The following RBFOX1 variants were observed in gnomAD, a reference collection of about 807,000 sequenced individuals.
The protein encoded by RBFOX1 is RNA binding fox-1 homolog 1.
In RBFOX1, 8 loss-of-function variants were observed where a neutral mutation model predicts 57.7. The ratio of observed to expected loss-of-function variants is 0.14; its 90% CI spans 0.08 to 0.25. The LOEUF is 0.25. Ranked by LOEUF, RBFOX1 falls within the 10% of genes least tolerant of loss-of-function variation. The pLI, the probability that RBFOX1 is intolerant of heterozygous loss-of-function variation, is 1.00. For missense variants in RBFOX1, 611 were observed against 548.5 expected (o/e 1.11, Z -1.14); for synonymous variants, 326 against 222.4 (o/e 1.47, Z -4.15).
intron 3 of RBFOX1, among the ~76,000 whole-genome samples, chr16:6,921,416 T>G: frequency 6.6e-6 from 1 of 152,228 alleles, no homozygotes; most frequent in Non-Finnish European, 1.5e-5. Context: ...TGGCACAATT[T>G]ATTTCCTGTG....
At chr16:6,752,857 C>G (rs2075178153) in intron 3 of RBFOX1, among the ~76,000 whole-genome samples, 1 of 150,808 alleles carries the variant, frequency 6.6e-6, no homozygotes, top group South Asian at 2.1e-4. Flanking sequence ...CTCTGTCAGC[C>G]TCTCTGCTCA....
At chr16:7,071,848 C>A (rs1480709879) in intron 4 of RBFOX1, among the ~76,000 whole-genome samples, 1 of 151,998 alleles carries the variant, frequency 6.6e-6, no homozygotes, top group Non-Finnish European at 1.5e-5. Flanking sequence ...GCTCTTCCTC[C>A]CTTATCATGT....
At chr16:7,223,569 G>T (rs749354585) in intron 4 of RBFOX1, among the ~76,000 whole-genome samples, 3 of 152,162 alleles carry the variant, frequency 2.0e-5, no homozygotes, top group Admixed American at 6.5e-5. Flanking sequence ...GCCAGTAATT[G>T]TGCAGGAGAT....
intron 3 of RBFOX1, among the ~76,000 whole-genome samples, chr16:5,750,341 C>A (rs929334377): frequency 6.6e-6 from 1 of 152,214 alleles, no homozygotes; most frequent in Non-Finnish European, 1.5e-5. Flanking sequence ...GGCAGACTGT[C>A]CATTCTCAGA....
At chr16:7,337,298 A>C (rs1286426119) in intron 4 of RBFOX1, among the ~76,000 whole-genome samples, 1 of 152,182 alleles carries the variant, frequency 6.6e-6, no homozygotes, top group Non-Finnish European at 1.5e-5. Context: ...GAAGTAACCC[A>C]GTGCCTCTTA....
At chr16:6,558,301 G>T (rs1209424795) in intron 2 of RBFOX1, among the ~76,000 whole-genome samples, 1 of 152,104 alleles carries the variant, frequency 6.6e-6, no homozygotes, top group African/African-American at 2.4e-5. Context: ...GAATAAGAAA[G>T]AGGCCTTACA....
At chr16:6,459,612 A>C (rs1659847378) in intron 2 of RBFOX1, among the ~76,000 whole-genome samples, 1 of 152,162 alleles carries the variant, frequency 6.6e-6, no homozygotes, top group African/African-American at 2.4e-5. Context: ...TTAATAAGGC[A>C]TCCATATATC....
chr16:7,644,920 A>C (rs1477928773), intron 11 of RBFOX1, among the ~76,000 whole-genome samples: 1 of 152,072 alleles, frequency 6.6e-6, no homozygotes, highest in African/African-American at 2.4e-5. Flanking sequence ...TCACTGTTAG[A>C]GCCTGGACAA....
chr16:7,291,520 C>T (rs1227585269), intron 4 of RBFOX1, among the ~76,000 whole-genome samples: 2 of 152,168 alleles, frequency 1.3e-5, no homozygotes, highest in Admixed American at 6.5e-5. Context: ...CTATTCAGAG[C>T]AGCAAAGGAA....
chr16:5,588,789 C>G (rs937910571), intron 2 of RBFOX1, among the ~76,000 whole-genome samples: 3 of 152,124 alleles, frequency 2.0e-5, no homozygotes, highest in Admixed American at 2.0e-4. Flanking sequence ...TTTTTGGAAG[C>G]CACTGCAACA....
chr16:6,377,047 G>C (rs1415143394), intron 2 of RBFOX1, among the ~76,000 whole-genome samples: 3 of 151,778 alleles, frequency 2.0e-5, no homozygotes, highest in East Asian at 3.9e-4. Context: ...TGAGGCAGGT[G>C]GATCACTTTG....
chr16:6,652,241 G>A (rs944856379), intron 2 of RBFOX1, among the ~76,000 whole-genome samples: 1 of 152,158 alleles, frequency 6.6e-6, no homozygotes, highest in Admixed American at 6.5e-5. Context: ...ACTAGGTCAA[G>A]AGATCGAGAG....
At chr16:7,281,533 A>G (rs1362927789) in intron 4 of RBFOX1, among the ~76,000 whole-genome samples, 4 of 152,098 alleles carry the variant, frequency 2.6e-5, no homozygotes, top group African/African-American at 9.7e-5. Flanking sequence ...CAAAGAGACC[A>G]TTATGTAAGT....
At chr16:5,370,008 C>G (rs959754268) in intron 1 of RBFOX1, among the ~76,000 whole-genome samples, 1 of 152,140 alleles carries the variant, frequency 6.6e-6, no homozygotes, top group African/African-American at 2.4e-5. Context: ...GACAAAGTTC[C>G]TCCTCTGAGC....
intron 2 of RBFOX1, among the ~76,000 whole-genome samples, chr16:6,650,276 TTTTA>T (rs2098574473): frequency 7.5e-6 from 1 of 134,076 alleles, no homozygotes; most frequent in Admixed American, 8.0e-5. Context: ...TTGGTTTTAT[TTTTA>T]TTTATTTTTT....
intron 4 of RBFOX1, among the ~76,000 whole-genome samples, chr16:7,188,927 A>T (rs1414455883): frequency 6.6e-6 from 1 of 152,162 alleles, no homozygotes; most frequent in African/African-American, 2.4e-5. Flanking sequence ...GTTCTTTGAC[A>T]CCATGAAGAC....
At chr16:6,311,316 A>AAAT (rs1555619075) in intron 1 of RBFOX1, among the ~76,000 whole-genome samples, 2 of 147,746 alleles carry the variant, frequency 1.4e-5, no homozygotes, top group East Asian at 4.0e-4. Flanking sequence ...AAAAAAAAAA[A>AAAT]GAATAAAAGA....
At chr16:6,528,402 A>T (rs556110368) in intron 2 of RBFOX1, among the ~76,000 whole-genome samples, 9 of 152,148 alleles carry the variant, frequency 5.9e-5, no homozygotes, top group Admixed American at 2.6e-4. Context: ...TCCACCATCA[A>T]TGCACAGTCA....
At chr16:5,297,921 C>T (rs979898262) in intron 1 of RBFOX1, among the ~76,000 whole-genome samples, 19 of 152,168 alleles carry the variant, frequency 1.2e-4, no homozygotes, top group Admixed American at 1.1e-3. Flanking sequence ...ATGTCTTTAA[C>T]ATTTTGTATT....
Sources: allele counts gnomAD v4.1 joint callset (sites outside exome capture counted in the v4.1 genomes callset), GRCh38; gene constraint gnomAD v4.1.1; transcripts MANE v1.5; gene names NCBI Gene and HGNC (gene_info 2026-07-23, HGNC 2026-07-21).